RPL28: variants seen among roughly 807,000 people sequenced by gnomAD.
RPL28 encodes ribosomal protein L28.
In RPL28, 4 loss-of-function variants were observed where a neutral mutation model predicts 12.5. The ratio of observed to expected loss-of-function variants is 0.32; its 90% CI spans 0.16 to 0.73. The LOEUF (loss-of-function observed/expected upper bound fraction) is 0.73. Among genes scored for constraint, RPL28 ranks in the 30% least tolerant of loss-of-function variants. RPL28 has a pLI of 0.66. For missense variants in RPL28, 214 were observed against 197.7 expected (o/e 1.08, Z -0.49); for synonymous variants, 91 against 72.5 (o/e 1.26, Z -1.30).
chr19:55,386,008 C>T (rs1250396607), intron 1 of RPL28, 43 bp downstream of exon 1: 4 of 275,876 alleles, frequency 1.4e-5, no homozygotes, highest in Non-Finnish European at 2.9e-5. Flanking sequence ...CTCCGGCCCG[C>T]CGCGCACTCC....
chr19:55,397,580 CCGTGT>C (rs1236740665), intron 4 of RPL28, among the ~76,000 whole-genome samples: 1 of 151,998 alleles, frequency 6.6e-6, no homozygotes, highest in African/African-American at 2.4e-5. Flanking sequence ...CAGGGTTTCA[CCGTGT>C]TAGCCAGGAT....
chr19:55,390,524 C>T lies in RPL28; in HGVS notation c.*2192C>T. ...GATGTGGCTGCTGCTGCTCAGAAGG[C>T]CTTGTCCTTAACCACCTCCTTGCCT... On this transcript the variant is annotated 3_prime_UTR_variant, in exon 5 of 5. Coordinates refer to ENST00000344063, the MANE Select transcript of RPL28 (RefSeq NM_000991.5). 1.0e-6 allele frequency: 1 copy of T among 985,494 alleles called. No individual in the cohort carries two copies. Among genetic ancestry groups the T allele is most frequent in the South Asian group, 4.7e-5 (1 of 21,292 alleles). 61.0% of individuals were successfully genotyped at this position (985,494 alleles called of 1,614,324 possible).
chr19:55,395,568 C>G (rs905350085), downstream of RPL28, among the ~76,000 whole-genome samples: 2 of 151,900 alleles, frequency 1.3e-5, no homozygotes, highest in Non-Finnish European at 2.9e-5. Context: ...CTCAGCCTCC[C>G]TAGTAGCTGG....
intron 4 of RPL28, chr19:55,401,860 C>G: frequency 1.5e-6 from 2 of 1,310,190 alleles, no homozygotes; most frequent in South Asian, 1.2e-5. Flanking sequence ...GTTCCTTCTG[C>G]TCCCAACTCA....
chr19:55,395,278 A>G (rs920735529), downstream of RPL28, among the ~76,000 whole-genome samples: 2 of 152,048 alleles, frequency 1.3e-5, no homozygotes, highest in African/African-American at 2.4e-5. Context: ...CTGGGATTAC[A>G]GGCATGCGCC....
At chr19:55,394,453 G>A (rs2090010082), downstream of RPL28, among the ~76,000 whole-genome samples, 1 of 152,020 alleles carries the variant, frequency 6.6e-6, no homozygotes, top group South Asian at 2.1e-4. Context: ...TAGAGACAAG[G>A]TCTCACTGTG....
At chr19:55,402,192 G>C (rs2090064698) in intron 4 of RPL28, among the ~76,000 whole-genome samples, 1 of 152,196 alleles carries the variant, frequency 6.6e-6, no homozygotes, top group South Asian at 2.1e-4. Flanking sequence ...AGCCTGGACA[G>C]AGAGAAGAGA....
rs1028457596 is a variant in RPL28 at position 55,387,071 on chromosome 19, C to G, written c.205+378C>G. ...CAGGGGAGGGGCCCTCGCTACCACA[C>G]TTAGGAGGGGACAGGCTGGGTTGGT... On this transcript the variant is annotated intron_variant, in intron 3 of 4. Coordinates refer to ENST00000344063, the MANE Select transcript of RPL28 (RefSeq NM_000991.5). 2.8e-6 allele frequency: 4 copies of G among 1,422,730 alleles called. No homozygotes were observed. In the African/African-American group the frequency reaches 4.3e-5, roughly 15 times the overall value. 88.1% of individuals were successfully genotyped at this position (1,422,730 alleles called of 1,614,324 possible). A position where few individuals can be genotyped will look rare whatever the true frequency, so the allele number is the denominator to read the frequency against.
chr19:55,396,787 A>G (rs370590578), downstream of RPL28, among the ~76,000 whole-genome samples: 136 of 149,556 alleles, frequency 9.1e-4, 1 homozygote, highest in African/African-American at 1.8e-3. Context: ...TCACCGTGTT[A>G]GCCAGGATGT....
Position 55,390,258 on chromosome 19 carries a change from G to A in RPL28, c.*1926G>A. 3.1e-6 allele frequency: 3 copies of A among 953,232 alleles called. No individual in the cohort carries two copies. Among genetic ancestry groups the A allele is most frequent in the South Asian group, 4.9e-5 (1 of 20,616 alleles). The allele number at this position is 953,232 out of a possible 1,614,324, so 59.0% of individuals were successfully genotyped here. A position where few individuals can be genotyped will look rare whatever the true frequency, so the allele number is the denominator to read the frequency against. On this transcript the variant is annotated 3_prime_UTR_variant, in exon 5 of 5. Transcript: ENST00000344063. ...CGCTCTGTTGCCCAGGCTGGCGAGT[G>A]CAATGGCGCGATCTTGGCTCACTGC...
intron 3 of RPL28, chr19:55,387,231 A>T (rs1018752855): frequency 5.3e-6 from 8 of 1,507,128 alleles, no homozygotes; most frequent in African/African-American, 4.2e-5. Flanking sequence ...GGGGTCTCTA[A>T]TGGAGGAGTC....
rs772634562 is a variant in RPL28, at chr19:55,387,988, C to G, written c.264C>G (p.Ala88=). The G allele has an allele frequency of 1.9e-6, 3 of 1,611,226 alleles. No homozygotes were observed. In the East Asian group the frequency reaches 6.7e-5, roughly 36 times the overall value. ...CCACCATCAACAAGAATGCTCGCGCCACGCTCAGCAGCATCAGACACATGA... is the reference window on the plus strand; with the variant it reads ...CCACCATCAACAAGAATGCTCGCGCGACGCTCAGCAGCATCAGACACATGA... ...VRTTINKNAR[A]TLSSIRHMIR... is the part of the protein sequence containing the mutation. The change falls in exon 4 of 5, where the codon GCC becomes GCG. Residue 88 remains alanine (A), a synonymous_variant. Transcript: ENST00000344063.
chr19:55,386,890 C>G, intron 3 of RPL28, 197 bp downstream of exon 3: 1 of 1,532,930 alleles, frequency 6.5e-7, no homozygotes, highest in South Asian at 1.2e-5. Flanking sequence ...AGCCCGTGTC[C>G]TCACCTGTAA....
At position 55,399,673 on chromosome 19, in the gene RPL28, G is replaced by T. The variant is rs183845027; in HGVS notation, c.325-3270G>T. On this transcript the variant is annotated intron_variant, in intron 4 of 4. Coordinates refer to the RPL28 transcript ENST00000560055. ...GCTACGCAGGGGCCCATCACAGATG[G>T]CTTCATTAGGACAAAGACTGCTCCT... is the stretch of plus-strand genomic sequence containing the variant. 29 of 152,264 alleles carry T rather than the reference G, an allele frequency of 1.9e-4. No homozygotes were observed. In the East Asian group the frequency reaches 5.4e-3, roughly 28 times the overall value. The allele number at this position is 152,264 out of a possible 1,614,324, so 9.4% of individuals were successfully genotyped here. A position where few individuals can be genotyped will look rare whatever the true frequency, so the allele number is the denominator to read the frequency against.
At chr19:55,387,237 G>A (rs1468688760) in intron 3 of RPL28, 7 of 1,514,726 alleles carry the variant, frequency 4.6e-6, no homozygotes, top group Non-Finnish European at 6.3e-6. Flanking sequence ...TCTAATGGAG[G>A]AGTCCAGCTT....
intron 4 of RPL28, chr19:55,402,864 G>C: frequency 8.0e-7 from 1 of 1,252,888 alleles, no homozygotes; most frequent in South Asian, 1.5e-5. Context: ...CCCCATGGCA[G>C]GAAACCCCAA....
chr19:55,390,236 T>G lies in RPL28; in HGVS notation c.*1904T>G, dbSNP rs1227132244. On this transcript the variant is annotated 3_prime_UTR_variant, in exon 5 of 5. Transcript: ENST00000344063. ...AGACTTTCTGGAGATGGAGTCTCGC[T>G]CTGTTGCCCAGGCTGGCGAGTGCAA... is the stretch of plus-strand genomic sequence containing the variant. 10 of 980,524 alleles carry G rather than the reference T, an allele frequency of 1.0e-5. No individual in the cohort carries two copies. Among genetic ancestry groups the G allele is most frequent in the Admixed American group, 6.2e-5 (1 of 16,254 alleles). 60.7% of individuals were successfully genotyped at this position (980,524 alleles called of 1,614,324 possible).
downstream of RPL28, among the ~76,000 whole-genome samples, chr19:55,393,872 ACTC>A (rs2090007385): frequency 4.6e-5 from 7 of 150,946 alleles, no homozygotes; most frequent in Non-Finnish European, 1.0e-4. Context: ...CTGGTCTCGA[ACTC>A]CTGACCTCAG....
chr19:55,389,836 CCACTCA>C lies in RPL28; in HGVS notation c.*1505_*1510del. The C allele has an allele frequency of 1.0e-6, 1 of 984,180 alleles. No individual in the cohort carries two copies. Among genetic ancestry groups the C allele is most frequent in the Non-Finnish European group, 1.2e-6 (1 of 828,908 alleles). The allele number at this position is 984,180 out of a possible 1,614,324, so 61.0% of individuals were successfully genotyped here. ...CAGGACCCCCCGCACTGTCCCAATC[CCACTCA>C]GGCCCACCTCCAGCTGGCCTCACTC... is the stretch of plus-strand genomic sequence containing the variant. On this transcript the variant is annotated 3_prime_UTR_variant, in exon 5 of 5. Coordinates refer to ENST00000344063, the MANE Select transcript of RPL28 (RefSeq NM_000991.5).
Sources: allele counts gnomAD v4.1 joint callset (sites outside exome capture counted in the v4.1 genomes callset), GRCh38; gene constraint gnomAD v4.1.1; transcripts MANE v1.5; gene names NCBI Gene and HGNC (gene_info 2026-07-23, HGNC 2026-07-21).